The following EPN2 variants were observed in gnomAD, a reference collection of about 807,000 sequenced individuals.
EPN2 encodes epsin 2.
EPN2 carries 34 observed loss-of-function variants against 61.7 expected under a neutral mutation model. The observed-to-expected ratio is 0.55, with a 90% confidence interval of 0.42 to 0.73. The LOEUF is 0.73. Ranked by LOEUF, EPN2 falls within the 30% of genes least tolerant of loss-of-function variation. EPN2 has a pLI of 0.00. For missense variants in EPN2, 714 were observed against 839.2 expected (o/e 0.85, Z 1.84); for synonymous variants, 349 against 353.6 (o/e 0.99, Z 0.15).
intron 4 of EPN2, among the ~76,000 whole-genome samples, chr17:19,286,126 C>T (rs1192169350): frequency 6.6e-6 from 1 of 152,244 alleles, no homozygotes; most frequent in Non-Finnish European, 1.5e-5. Flanking sequence ...CAGGCCCACC[C>T]ATGGTGGTGG....
intron 4 of EPN2, among the ~76,000 whole-genome samples, chr17:19,301,261 TG>T (rs1348269354): frequency 6.6e-6 from 1 of 152,174 alleles, no homozygotes. Flanking sequence ...GGGCCCATCT[TG>T]CTCCAGTATG....
rs1305063433 is a variant in EPN2 at position 19,240,015 on chromosome 17, G to A, written c.-294+2484G>A. ...TTTTTTAACTTTAATTAGGAGGAGCGGCAACTTTCGGTTGTGAACTGAAGT... is the reference window on the plus strand; with the variant it reads ...TTTTTTAACTTTAATTAGGAGGAGCAGCAACTTTCGGTTGTGAACTGAAGT... On this transcript the variant is annotated intron_variant, in intron 1 of 10. Coordinates refer to ENST00000314728, the MANE Select transcript of EPN2 (RefSeq NM_014964.5). Among the ~76,000 whole-genome samples the A allele has an allele frequency of 2.0e-5, 3 of 151,902 alleles. No homozygotes were observed. The East Asian group carries it at 5.8e-4, about 29-fold the overall frequency.
intron 1 of EPN2, among the ~76,000 whole-genome samples, chr17:19,269,172 A>T (rs2045230163): frequency 6.6e-6 from 1 of 152,238 alleles, no homozygotes; most frequent in Non-Finnish European, 1.5e-5. Flanking sequence ...AACAACAAGA[A>T]AACATTAGGG....
At chr17:19,260,392 G>A (rs1458025819) in intron 1 of EPN2, among the ~76,000 whole-genome samples, 4 of 152,164 alleles carry the variant, frequency 2.6e-5, no homozygotes, top group African/African-American at 9.7e-5. Context: ...AAGCTGGAGG[G>A]GCCTGGAAGA....
intron 6 of EPN2, 89 bp from the exon 7 acceptor site, chr17:19,313,016 C>T: frequency 7.2e-7 from 1 of 1,394,020 alleles, no homozygotes; most frequent in East Asian, 2.4e-5. Context: ...GAGGAAGAGG[C>T]ACAGGTGGGT....
At chr17:19,312,572 T>C (rs1376407122) in intron 6 of EPN2, among the ~76,000 whole-genome samples, 5 of 152,214 alleles carry the variant, frequency 3.3e-5, no homozygotes, top group Non-Finnish European at 7.3e-5. Flanking sequence ...GACAAGCTCA[T>C]CATCATCCAG....
At chr17:19,316,564 G>A (rs924062922) in intron 7 of EPN2, among the ~76,000 whole-genome samples, 3 of 152,224 alleles carry the variant, frequency 2.0e-5, no homozygotes, top group Admixed American at 6.5e-5. Flanking sequence ...ATTCCAATAT[G>A]GAGAGATAGC....
At chr17:19,291,110 T>A (rs953720895) in intron 4 of EPN2, among the ~76,000 whole-genome samples, 6 of 152,212 alleles carry the variant, frequency 3.9e-5, no homozygotes, top group African/African-American at 7.2e-5. Flanking sequence ...ATTCAATAGA[T>A]ACCAGAAGAA....
intron 1 of EPN2, chr17:19,279,829 A>ACTTTT (rs1353481637): frequency 1.5e-5 from 2 of 130,676 alleles, no homozygotes; most frequent in Non-Finnish European, 3.3e-5. Context: ...TTTTTTCTTT[A>ACTTTT]CTTTTCTTTT....
In EPN2 at chr17:19,250,373, G is replaced by C. The variant is rs543183022; in HGVS notation, c.-294+12842G>C. 3.3e-5 allele frequency among the ~76,000 whole-genome samples: 5 copies of C among 152,260 alleles called. No individual in the cohort carries two copies. The East Asian group carries it at 7.7e-4, about 24-fold the overall frequency. ...AGCCTCCCAAAGTGCTGGGATTACA[G>C]GCGTGAACCACCATGCCCTGCCTAG... is the stretch of plus-strand genomic sequence containing the variant. On this transcript the variant is annotated intron_variant, in intron 1 of 10. Coordinates refer to ENST00000314728, the MANE Select transcript of EPN2 (RefSeq NM_014964.5).
intron 7 of EPN2, among the ~76,000 whole-genome samples, chr17:19,318,251 A>G (rs778445720): frequency 2.0e-4 from 31 of 152,286 alleles, no homozygotes; most frequent in Non-Finnish European, 3.5e-4. Context: ...TGTGGGCTAT[A>G]AGAGTAGGGG....
intron 4 of EPN2, among the ~76,000 whole-genome samples, chr17:19,304,333 C>T (rs771137850): frequency 3.9e-5 from 6 of 152,154 alleles, no homozygotes; most frequent in Admixed American, 1.3e-4. Context: ...ATTGAGGAAG[C>T]GTTTCACTGC....
chr17:19,332,727 A>G lies in EPN2; in HGVS notation c.1627+659A>G, dbSNP rs140720122. 5.3e-5 allele frequency among the ~76,000 whole-genome samples: 8 copies of G among 152,260 alleles called. No individual in the cohort carries two copies. The East Asian group carries it at 1.5e-3, about 29-fold the overall frequency. On this transcript the variant is annotated intron_variant, in intron 10 of 10. Transcript: ENST00000314728. The stretch of plus-strand genomic sequence containing the variant: ...ACACACTCAGTTTCCCCTGCCTGGA[A>G]TGTCCTCCCTCCTCTTCCCTAATGA...
rs534007564 is a variant in EPN2, at chr17:19,327,909, C to T, written c.1148-802C>T. On this transcript the variant is annotated intron_variant, in intron 7 of 10. Coordinates refer to ENST00000314728, the MANE Select transcript of EPN2 (RefSeq NM_014964.5). ...TGGTGTCTGAACACTTGCAGTGCTCCGCGAGAAGGAAGGAGATGTTGGTTT... is the reference window on the plus strand; with the variant it reads ...TGGTGTCTGAACACTTGCAGTGCTCTGCGAGAAGGAAGGAGATGTTGGTTT... Among the ~76,000 whole-genome samples, 18 of 152,168 alleles carry T rather than the reference C, an allele frequency of 1.2e-4. No individual in the cohort carries two copies. The South Asian group carries it at 3.3e-3, about 28-fold the overall frequency.
In EPN2 at chr17:19,304,089, T is replaced by A. The variant is rs568551561; in HGVS notation, c.767-5796T>A. On this transcript the variant is annotated intron_variant, in intron 4 of 10. Coordinates refer to ENST00000314728, the MANE Select transcript of EPN2 (RefSeq NM_014964.5). Reference sequence around the variant, plus strand: ...TTGCACTCCAGTCTAGGTGACAGAGTGAGACTCCGTCTCAAAAAATAAATA... The same window carrying A: ...TTGCACTCCAGTCTAGGTGACAGAGAGAGACTCCGTCTCAAAAAATAAATA... 2.2e-5 allele frequency among the ~76,000 whole-genome samples: 3 copies of A among 133,676 alleles called. No individual in the cohort carries two copies. The East Asian group carries it at 6.4e-4, about 28-fold the overall frequency. The allele number at this position is 133,676 out of a possible 152,430, so 87.7% of individuals were successfully genotyped here. A position where few individuals can be genotyped will look rare whatever the true frequency, so the allele number is the denominator to read the frequency against.
intron 1 of EPN2, among the ~76,000 whole-genome samples, chr17:19,269,636 G>GT (rs1462239138): frequency 2.0e-5 from 3 of 152,186 alleles, no homozygotes; most frequent in Non-Finnish European, 4.4e-5. Flanking sequence ...CAAGGTAAAA[G>GT]TTTCTTTGAA....
intron 1 of EPN2, among the ~76,000 whole-genome samples, chr17:19,258,436 T>C (rs2045105353): frequency 6.6e-6 from 1 of 152,180 alleles, no homozygotes; most frequent in African/African-American, 2.4e-5. Context: ...CGCATTCCTG[T>C]CAGCAGCTAT....
At chr17:19,274,477 A>T (rs1292707868) in intron 1 of EPN2, 1 of 152,192 alleles carries the variant, frequency 6.6e-6, no homozygotes, top group African/African-American at 2.4e-5. Context: ...ATTGATTGGG[A>T]CTGGGTTTTC....
Position 19,335,931 on chromosome 17 carries a change from T to TGAAA in EPN2, c.*1678_*1679insAAAG, listed in dbSNP as rs1308071963. Reference sequence around the variant, plus strand: ...GGGCAGCTTGCCTGGTGGATGTTTCTGGCCCTTTTTCCACCATGGGAATTT... The same window carrying TGAAA: ...GGGCAGCTTGCCTGGTGGATGTTTCTGAAAGGCCCTTTTTCCACCATGGGAATTT... On this transcript the variant is annotated 3_prime_UTR_variant, in exon 11 of 11. Transcript: ENST00000314728. 1.3e-5 allele frequency: 2 copies of TGAAA among 152,924 alleles called. No homozygotes were observed. The highest frequency in any genetic ancestry group is 1.3e-4 in the Admixed American group (2 of 15,338). 9.5% of individuals were successfully genotyped at this position (152,924 alleles called of 1,614,324 possible).
Sources: gnomAD v4.1 joint callset for allele counts (sites outside exome capture counted in the v4.1 genomes callset) on GRCh38, gnomAD v4.1.1 for gene constraint, MANE v1.5 for transcripts, NCBI Gene and HGNC (gene_info 2026-07-23, HGNC 2026-07-21) for gene names.